CACNA2D1: variants seen among roughly 807,000 people sequenced by gnomAD.
CACNA2D1 encodes calcium voltage-gated channel auxiliary subunit alpha2delta 1.
CACNA2D1 carries 53 observed loss-of-function variants against 171.5 expected under a neutral mutation model. The observed-to-expected ratio is 0.31, with a 90% confidence interval of 0.25 to 0.39. The LOEUF (loss-of-function observed/expected upper bound fraction) is 0.39, where lower values mean the gene tolerates loss of function less well. CACNA2D1 is among the 10% of genes least tolerant of loss of function. The pLI is 1.00. For synonymous variants in CACNA2D1, 442 were observed against 443.1 expected (o/e 1.00, Z 0.03); for missense variants, 903 against 1,299.8 (o/e 0.69, Z 4.69).
At chr7:82,309,687 G>A (rs1344886445) in intron 3 of CACNA2D1, among the ~76,000 whole-genome samples, 1 of 152,158 alleles carries the variant, frequency 6.6e-6, no homozygotes, top group Non-Finnish European at 1.5e-5. Context: ...GCTGGAGTCT[G>A]GAGAAGTGGC....
intron 6 of CACNA2D1, among the ~76,000 whole-genome samples, chr7:82,111,363 T>C (rs111840750): frequency 8.1e-6 from 1 of 123,528 alleles, no homozygotes. Flanking sequence ...TGTGTATATA[T>C]GTATATATAT....
At chr7:82,419,829 T>C (rs1828550886) in intron 1 of CACNA2D1, among the ~76,000 whole-genome samples, 2 of 152,208 alleles carry the variant, frequency 1.3e-5, no homozygotes, top group Admixed American at 1.3e-4. Flanking sequence ...ACTAGATATC[T>C]GCATTAAAGT....
At chr7:82,346,768 T>C (rs1214076539) in intron 2 of CACNA2D1, among the ~76,000 whole-genome samples, 2 of 152,194 alleles carry the variant, frequency 1.3e-5, no homozygotes, top group African/African-American at 4.8e-5. Context: ...TCTTCTAATT[T>C]ATATCTTTTA....
intron 1 of CACNA2D1, among the ~76,000 whole-genome samples, chr7:82,353,445 A>T (rs964691557): frequency 6.6e-6 from 1 of 152,162 alleles, no homozygotes; most frequent in Non-Finnish European, 1.5e-5. Context: ...AAGTATAAAT[A>T]TACACTAGGC....
At chr7:82,163,394 T>C (rs1351867682) in intron 4 of CACNA2D1, among the ~76,000 whole-genome samples, 1 of 152,044 alleles carries the variant, frequency 6.6e-6, no homozygotes, top group Non-Finnish European at 1.5e-5. Context: ...AGATGGCAAG[T>C]TATCAGGAAT....
chr7:82,081,970 G>C (rs1809835307), intron 7 of CACNA2D1, among the ~76,000 whole-genome samples: 2 of 152,226 alleles, frequency 1.3e-5, no homozygotes, highest in South Asian at 4.1e-4. Context: ...TGACTCTCAT[G>C]GTGGACTCTG....
chr7:82,201,664 C>T (rs1430469993), intron 3 of CACNA2D1, among the ~76,000 whole-genome samples: 1 of 152,172 alleles, frequency 6.6e-6, no homozygotes, highest in Admixed American at 6.5e-5. Flanking sequence ...AGAGGCTCCT[C>T]AGAGGTTTTG....
intron 6 of CACNA2D1, among the ~76,000 whole-genome samples, chr7:82,111,628 T>C (rs1788483576): frequency 6.6e-6 from 1 of 151,040 alleles, no homozygotes; most frequent in Non-Finnish European, 1.5e-5. Context: ...TAAAATTTGT[T>C]TAGAGAGACA....
At chr7:82,261,443 G>T (rs893923746) in intron 3 of CACNA2D1, among the ~76,000 whole-genome samples, 5 of 152,110 alleles carry the variant, frequency 3.3e-5, no homozygotes, top group Admixed American at 3.3e-4. Context: ...CTTTGCCATG[G>T]TATTTCCATT....
chr7:82,297,072 CA>C (rs57473351), intron 3 of CACNA2D1, among the ~76,000 whole-genome samples: 2,856 of 72,018 alleles, frequency 0.04, 48 homozygotes, highest in South Asian at 0.069. Flanking sequence ...CTGTGTCTAC[CA>C]AAAAAAAAAA....
intron 3 of CACNA2D1, among the ~76,000 whole-genome samples, chr7:82,217,356 A>T (rs1360316064): frequency 7.7e-6 from 1 of 129,776 alleles, no homozygotes; most frequent in African/African-American, 3.2e-5. Context: ...TTTTAAAAAA[A>T]AAATATATAT....
intron 6 of CACNA2D1, among the ~76,000 whole-genome samples, chr7:82,093,824 G>A (rs1487150992): frequency 4.6e-5 from 7 of 151,944 alleles, no homozygotes; most frequent in African/African-American, 1.7e-4. Flanking sequence ...ACAAAATTAT[G>A]CACATACAAG....
chr7:82,010,384 T>G (rs555808435), intron 15 of CACNA2D1, among the ~76,000 whole-genome samples: 1 of 152,118 alleles, frequency 6.6e-6, no homozygotes, highest in Admixed American at 6.6e-5. Context: ...CCTTTTTTTT[T>G]TTTTTTTACA....
intron 12 of CACNA2D1, among the ~76,000 whole-genome samples, chr7:82,018,523 A>G (rs535977529): frequency 6.6e-6 from 1 of 152,318 alleles, no homozygotes; most frequent in East Asian, 1.9e-4. Flanking sequence ...TTAAATAAGC[A>G]GACATCCTTA....
chr7:81,950,524 AAAG>A lies in CACNA2D1; in HGVS notation c.3160-19_3160-17del, dbSNP rs757925246. On this transcript the variant is annotated splice_polypyrimidine_tract_variant and intron_variant, in intron 38 of 38. Transcript: ENST00000356860. ...TATAATCCTCCTGTTGTTAAAAAAA[AAAG>A]AAAAGAACAGAAAAAGAAAAATCTA... is the stretch of plus-strand genomic sequence containing the variant. The A allele has an allele frequency of 1.1e-5, 17 of 1,599,422 alleles. No individual in the cohort carries two copies. The highest frequency in any genetic ancestry group is 1.1e-5 in the South Asian group (1 of 88,422).
chr7:82,077,602 G>A (rs1298173877), intron 7 of CACNA2D1, among the ~76,000 whole-genome samples: 1 of 152,094 alleles, frequency 6.6e-6, no homozygotes, highest in Non-Finnish European at 1.5e-5. Flanking sequence ...TTTTGGATTT[G>A]CTTCAACTGG....
intron 1 of CACNA2D1, among the ~76,000 whole-genome samples, chr7:82,395,157 T>A (rs541393542): frequency 6.6e-6 from 1 of 151,586 alleles, no homozygotes; most frequent in African/African-American, 2.4e-5. Flanking sequence ...GCCTGTTATA[T>A]GTTGAGTACT....
intron 36 of CACNA2D1, 55 bp downstream of exon 36, chr7:81,961,813 GTATATACAATTTCTTAATGATTATAA>G: frequency 8.4e-6 from 1 of 118,940 alleles, no homozygotes; most frequent in East Asian, 6.7e-4. Flanking sequence ...GATTATAACA[GTATATACAATTTCTTAATGATTATAA>G]CAGTATATAC....
At chr7:82,397,233 T>G (rs1825836247) in intron 1 of CACNA2D1, among the ~76,000 whole-genome samples, 1 of 152,208 alleles carries the variant, frequency 6.6e-6, no homozygotes, top group African/African-American at 2.4e-5. Flanking sequence ...TGCCCTCACA[T>G]GTATAACCTG....
Sources: allele counts gnomAD v4.1 joint callset (sites outside exome capture counted in the v4.1 genomes callset), GRCh38; gene constraint gnomAD v4.1.1; transcripts MANE v1.5; gene names NCBI Gene and HGNC (gene_info 2026-07-23, HGNC 2026-07-21).